The following NRCAM variants were observed in gnomAD, a reference collection of about 807,000 sequenced individuals.
The protein encoded by NRCAM is neuronal cell adhesion molecule.
NRCAM carries 83 observed loss-of-function variants against 156.5 expected under a neutral mutation model. The observed-to-expected ratio is 0.53, with a 90% confidence interval of 0.44 to 0.64. The LOEUF is 0.64. Ranked by LOEUF, NRCAM falls within the 30% of genes least tolerant of loss-of-function variation. The pLI is 0.00. For missense variants in NRCAM, 1,417 were observed against 1,597.3 expected, an observed-to-expected ratio of 0.89 and a Z score of 1.92; for synonymous variants, 538 against 563.9, an observed-to-expected ratio of 0.95 and a Z score of 0.65.
At chr7:108,281,961 G>C (rs373128968) in intron 3 of NRCAM, among the ~76,000 whole-genome samples, 1 of 152,128 alleles carries the variant, frequency 6.6e-6, no homozygotes. Flanking sequence ...AGAAGTGTAG[G>C]AGCAACTGTG....
chr7:108,344,892 T>G (rs1264844168), intron 2 of NRCAM, among the ~76,000 whole-genome samples: 1 of 152,186 alleles, frequency 6.6e-6, no homozygotes, highest in Admixed American at 6.5e-5. Context: ...TTTTAGAAAT[T>G]AGGGCATCAT....
At chr7:108,259,385 A>G (rs1002159538) in intron 3 of NRCAM, among the ~76,000 whole-genome samples, 2 of 152,238 alleles carry the variant, frequency 1.3e-5, no homozygotes, top group Non-Finnish European at 2.9e-5. Flanking sequence ...ACGCTCTGAC[A>G]CTATTGATGG....
chr7:108,304,778 G>A (rs567076687), intron 3 of NRCAM, among the ~76,000 whole-genome samples: 1 of 152,076 alleles, frequency 6.6e-6, no homozygotes, highest in Non-Finnish European at 1.5e-5. Context: ...AGGGAAATCT[G>A]TTTTATAAAA....
At chr7:108,440,527 T>C (rs986472253) in intron 1 of NRCAM, among the ~76,000 whole-genome samples, 6 of 152,212 alleles carry the variant, frequency 3.9e-5, no homozygotes, top group African/African-American at 1.4e-4. Context: ...AGCAGTCAAC[T>C]TTTCCATTAG....
chr7:108,335,017 C>T (rs2300027), intron 2 of NRCAM, among the ~76,000 whole-genome samples: 43,722 of 151,938 alleles, frequency 0.29, 6,796 homozygotes, highest in East Asian at 0.56. Flanking sequence ...ATATTTACAT[C>T]CATTAATTAA....
At chr7:108,453,582 C>A (rs192263251) in intron 1 of NRCAM, among the ~76,000 whole-genome samples, 1 of 152,148 alleles carries the variant, frequency 6.6e-6, no homozygotes, top group Admixed American at 6.6e-5. Flanking sequence ...TTTTGAAACT[C>A]GAAGGATTAG....
chr7:108,378,775 T>A (rs2099688076), intron 2 of NRCAM, among the ~76,000 whole-genome samples: 1 of 136,684 alleles, frequency 7.3e-6, no homozygotes, highest in African/African-American at 2.7e-5. Flanking sequence ...GTGTGGTGGA[T>A]AAAGAGAAGG....
chr7:108,398,109 A>C (rs1233733724), intron 2 of NRCAM, among the ~76,000 whole-genome samples: 2 of 152,172 alleles, frequency 1.3e-5, no homozygotes, highest in African/African-American at 4.8e-5. Context: ...TCTTCCCCTT[A>C]CCTCCACACT....
At chr7:108,157,984 A>G (rs565150787) in intron 32 of NRCAM, among the ~76,000 whole-genome samples, 45 of 152,162 alleles carry the variant, frequency 3.0e-4, no homozygotes, top group Non-Finnish European at 6.2e-4. Context: ...TACAGCCACA[A>G]GAACTCTTAG....
chr7:108,421,588 G>C (rs1008688135), intron 1 of NRCAM, among the ~76,000 whole-genome samples: 1 of 152,068 alleles, frequency 6.6e-6, no homozygotes, highest in Non-Finnish European at 1.5e-5. Context: ...TTTCTCATAA[G>C]ATTACTTGAA....
At chr7:108,338,194 A>G (rs2099227017) in intron 2 of NRCAM, among the ~76,000 whole-genome samples, 1 of 152,172 alleles carries the variant, frequency 6.6e-6, no homozygotes, top group Admixed American at 6.5e-5. Flanking sequence ...CTCAACAGTC[A>G]CCCATGCATG....
chr7:108,211,010 C>T (rs558908507), intron 11 of NRCAM, among the ~76,000 whole-genome samples: 41 of 152,256 alleles, frequency 2.7e-4, no homozygotes, highest in Admixed American at 7.8e-4. Flanking sequence ...AATTTTAGCT[C>T]CAGAATAACT....
At chr7:108,438,153 C>T (rs1008478322) in intron 1 of NRCAM, among the ~76,000 whole-genome samples, 10 of 151,882 alleles carry the variant, frequency 6.6e-5, no homozygotes, top group Admixed American at 3.3e-4. Flanking sequence ...AAAACAGAAG[C>T]GAGAACACTT....
At chr7:108,411,019 T>G (rs1794739665) in intron 1 of NRCAM, among the ~76,000 whole-genome samples, 1 of 152,214 alleles carries the variant, frequency 6.6e-6, no homozygotes. Flanking sequence ...AAAAAAACTT[T>G]CCTTCTACAA....
chr7:108,218,033 C>A (rs1310912744), intron 11 of NRCAM, among the ~76,000 whole-genome samples: 18 of 152,196 alleles, frequency 1.2e-4, no homozygotes. Context: ...GCTTGAAACC[C>A]AGTGCCCTGG....
At chr7:108,235,725 G>A (rs2094900159) in intron 5 of NRCAM, among the ~76,000 whole-genome samples, 3 of 152,100 alleles carry the variant, frequency 2.0e-5, no homozygotes, top group Admixed American at 2.0e-4. Context: ...GTCTCGACTG[G>A]GGTGGTAGTG....
chr7:108,350,020 T>C (rs1420528886), intron 2 of NRCAM, among the ~76,000 whole-genome samples: 1 of 152,228 alleles, frequency 6.6e-6, no homozygotes, highest in Non-Finnish European at 1.5e-5. Flanking sequence ...ATGGCTCCTT[T>C]AGTTCCCTGA....
intron 32 of NRCAM, among the ~76,000 whole-genome samples, chr7:108,157,001 A>G (rs2045891211): frequency 3.9e-5 from 6 of 152,178 alleles, no homozygotes; most frequent in Admixed American, 3.9e-4. Flanking sequence ...CAAAGGACAA[A>G]GCCGTATCTT....
intron 7 of NRCAM, among the ~76,000 whole-genome samples, chr7:108,231,647 A>G (rs2094345762): frequency 6.6e-6 from 1 of 152,220 alleles, no homozygotes; most frequent in Non-Finnish European, 1.5e-5. Flanking sequence ...TTAAACACAT[A>G]CATACATATC....
Sources: allele counts gnomAD v4.1 joint callset (sites outside exome capture counted in the v4.1 genomes callset), GRCh38; gene constraint gnomAD v4.1.1; transcripts MANE v1.5; gene names NCBI Gene and HGNC (gene_info 2026-07-23, HGNC 2026-07-21).